MDFIC2: variants seen among roughly 807,000 people sequenced by gnomAD.
The protein encoded by MDFIC2 is myoD family inhibitor domain-containing protein 2.
chr3:70,259,236 T>C (rs377610468), intron 2 of MDFIC2, among the ~76,000 whole-genome samples: 2 of 152,234 alleles, frequency 1.3e-5, no homozygotes, highest in African/African-American at 4.8e-5. Context: ...GCTAAAAACC[T>C]ACAAGAAAGA....
chr3:70,230,864 C>A (rs1217795312), intron 2 of MDFIC2, among the ~76,000 whole-genome samples: 2 of 152,156 alleles, frequency 1.3e-5, no homozygotes, highest in Non-Finnish European at 2.9e-5. Context: ...ATCTTCCTCC[C>A]AAGTCAGAAA....
intron 2 of MDFIC2, among the ~76,000 whole-genome samples, chr3:70,290,736 A>T (rs1702228716): frequency 1.3e-5 from 2 of 151,984 alleles, no homozygotes; most frequent in Non-Finnish European, 2.9e-5. Context: ...GGACCCTCCG[A>T]GCCAGGTGCA....
chr3:70,270,696 C>T (rs369200591), intron 2 of MDFIC2, among the ~76,000 whole-genome samples: 2 of 152,112 alleles, frequency 1.3e-5, no homozygotes, highest in Non-Finnish European at 2.9e-5. Context: ...CCATGGAATA[C>T]TATGCAGCCA....
intron 2 of MDFIC2, among the ~76,000 whole-genome samples, chr3:70,238,181 G>A (rs990354458): frequency 6.6e-6 from 1 of 151,568 alleles, no homozygotes; most frequent in Admixed American, 6.6e-5. Flanking sequence ...TGTGAGACTC[G>A]CATAGCACCA....
At chr3:70,302,208 G>A (rs963603984) in intron 2 of MDFIC2, among the ~76,000 whole-genome samples, 2 of 152,086 alleles carry the variant, frequency 1.3e-5, no homozygotes, top group Admixed American at 6.6e-5. Context: ...AATGATTTAT[G>A]CCTGTAGAGT....
At chr3:70,243,043 G>T (rs1701677041) in intron 2 of MDFIC2, among the ~76,000 whole-genome samples, 1 of 152,146 alleles carries the variant, frequency 6.6e-6, no homozygotes, top group African/African-American at 2.4e-5. Flanking sequence ...CATATTTCTG[G>T]TTATTCTTTT....
intron 2 of MDFIC2, among the ~76,000 whole-genome samples, chr3:70,266,652 C>A (rs1266904720): frequency 6.6e-6 from 1 of 152,028 alleles, no homozygotes; most frequent in Admixed American, 6.6e-5. Flanking sequence ...CCCTATGTTG[C>A]CCATGCTGGT....
At chr3:70,301,170 A>G (rs528863517) in intron 2 of MDFIC2, among the ~76,000 whole-genome samples, 23 of 152,212 alleles carry the variant, frequency 1.5e-4, no homozygotes, top group African/African-American at 4.8e-4. Flanking sequence ...ATTTAAGTTA[A>G]TATTTTAAAA....
intron 2 of MDFIC2, among the ~76,000 whole-genome samples, chr3:70,286,965 A>G (rs1371181561): frequency 6.6e-6 from 1 of 150,894 alleles, no homozygotes; most frequent in East Asian, 1.9e-4. Flanking sequence ...GGGCTGAGAC[A>G]ATGGCGTTTT....
chr3:70,243,313 AT>A (rs1205066122), intron 2 of MDFIC2, among the ~76,000 whole-genome samples: 4 of 151,614 alleles, frequency 2.6e-5, no homozygotes, highest in African/African-American at 9.7e-5. Context: ...AATAATTTTC[AT>A]TTTTCTTTGT....
At chr3:70,300,822 G>C (rs1702340463) in intron 2 of MDFIC2, among the ~76,000 whole-genome samples, 1 of 151,998 alleles carries the variant, frequency 6.6e-6, no homozygotes, top group Middle Eastern at 3.2e-3. Context: ...CCTACAGAAT[G>C]TAGAGGTTTA....
chr3:70,245,949 T>C (rs1468544235), intron 2 of MDFIC2, among the ~76,000 whole-genome samples: 1 of 151,564 alleles, frequency 6.6e-6, no homozygotes, highest in Non-Finnish European at 1.5e-5. Flanking sequence ...TCTTCCTGCC[T>C]GCTTTGTTCT....
intron 2 of MDFIC2, among the ~76,000 whole-genome samples, chr3:70,260,844 C>A (rs1383488570): frequency 6.6e-6 from 1 of 152,012 alleles, no homozygotes; most frequent in African/African-American, 2.4e-5. Context: ...TAAAAGCAGT[C>A]CCTTTATAAA....
intron 2 of MDFIC2, among the ~76,000 whole-genome samples, chr3:70,271,621 A>G (rs568102668): frequency 6.6e-6 from 1 of 152,214 alleles, no homozygotes; most frequent in Non-Finnish European, 1.5e-5. Context: ...AGCCAAAACA[A>G]TAGACCCAGC....
At chr3:70,307,304 A>G (rs78362226) in intron 2 of MDFIC2, among the ~76,000 whole-genome samples, 17,900 of 152,140 alleles carry the variant, frequency 0.12, 1,139 homozygotes, top group South Asian at 0.14. Flanking sequence ...AGGAGACACT[A>G]TAAGAAATCG....
intron 3 of MDFIC2, among the ~76,000 whole-genome samples, chr3:70,203,404 T>A (rs1053139460): frequency 6.6e-6 from 1 of 152,154 alleles, no homozygotes; most frequent in Non-Finnish European, 1.5e-5. Flanking sequence ...TGAATGCCTT[T>A]CTCTAGCTGG....
At chr3:70,262,071 C>T (rs998167262) in intron 2 of MDFIC2, among the ~76,000 whole-genome samples, 4 of 152,132 alleles carry the variant, frequency 2.6e-5, no homozygotes, top group Admixed American at 6.6e-5. Flanking sequence ...GTCAATCTCA[C>T]GATAAAGCCT....
At chr3:70,290,792 C>T (rs1160075641) in intron 2 of MDFIC2, among the ~76,000 whole-genome samples, 1 of 152,094 alleles carries the variant, frequency 6.6e-6, no homozygotes, top group African/African-American at 2.4e-5. Context: ...GTCGGAAAAG[C>T]GCAGTATTCG....
intron 2 of MDFIC2, among the ~76,000 whole-genome samples, chr3:70,251,420 A>T (rs1701767042): frequency 6.6e-6 from 1 of 152,178 alleles, no homozygotes; most frequent in Non-Finnish European, 1.5e-5. Context: ...AAGGTTACAG[A>T]TATATCAGGT....
Sources: allele counts gnomAD v4.1 joint callset (sites outside exome capture counted in the v4.1 genomes callset), GRCh38; gene constraint gnomAD v4.1.1; transcripts MANE v1.5; gene names NCBI Gene and HGNC (gene_info 2026-07-23, HGNC 2026-07-21).